The following TMEM132C variants were observed in gnomAD, a reference collection of about 807,000 sequenced individuals.
TMEM132C encodes the protein transmembrane protein 132C.
Under a neutral mutation model 61.4 loss-of-function variants are expected in TMEM132C, and 29 were observed. The observed-to-expected ratio is 0.47, with a 90% CI of 0.35 to 0.64. The LOEUF (loss-of-function observed/expected upper bound fraction) is 0.64, where lower values mean the gene tolerates loss of function less well. Among genes scored for constraint, TMEM132C ranks in the 30% least tolerant of loss-of-function variants. The pLI is 0.00. For synonymous variants in TMEM132C, 656 were observed against 633.1 expected, an observed-to-expected ratio of 1.04 and a Z score of -0.54; for missense variants, 1,408 against 1,476.9, an observed-to-expected ratio of 0.95 and a Z score of 0.76.
chr12:128,491,998 CA>C (rs1871748628), intron 2 of TMEM132C, among the ~76,000 whole-genome samples: 1 of 152,104 alleles, frequency 6.6e-6, no homozygotes, highest in African/African-American at 2.4e-5. Context: ...TTTCCCTCCC[CA>C]CTCCCTGCAC....
rs61611217 is a variant in TMEM132C at position 128,340,892 on chromosome 12, TTCTTTCTC to T, written c.85+73417_85+73424del. On this transcript the variant is annotated intron_variant, in intron 1 of 8. Coordinates refer to ENST00000435159, the MANE Select transcript of TMEM132C (RefSeq NM_001136103.3). ...TCCTTCCTTTCTTTTTTCTTTTTCT[TTCTTTCTC>T]TCTTTCTCTCTCTCTTTCTCTCTCT... 4.9e-5 allele frequency among the ~76,000 whole-genome samples: 7 copies of T among 142,576 alleles called. No homozygotes were observed. In the South Asian group the frequency reaches 1.1e-3, roughly 23 times the overall value. 93.5% of individuals were successfully genotyped at this position (142,576 alleles called of 152,430 possible).
chr12:128,478,130 C>G (rs1871210325), intron 2 of TMEM132C, among the ~76,000 whole-genome samples: 1 of 152,138 alleles, frequency 6.6e-6, no homozygotes, highest in Non-Finnish European at 1.5e-5. Flanking sequence ...ATAGGTGAAG[C>G]ATCTCTATTG....
intron 2 of TMEM132C, among the ~76,000 whole-genome samples, chr12:128,502,113 A>G (rs182891435): frequency 6.6e-5 from 10 of 152,378 alleles, no homozygotes; most frequent in Non-Finnish European, 1.0e-4. Context: ...AGTGGTTGCA[A>G]TGTGCAGCCA....
chr12:128,344,872 C>G (rs1225587032), intron 1 of TMEM132C, among the ~76,000 whole-genome samples: 1 of 151,344 alleles, frequency 6.6e-6, no homozygotes, highest in African/African-American at 2.4e-5. Flanking sequence ...ACAAACCATA[C>G]ACATGCAGGT....
Position 128,278,479 on chromosome 12 carries a change from C to T in TMEM132C, c.85+10992C>T, listed in dbSNP as rs998256998. Among the ~76,000 whole-genome samples, 8 of 152,154 alleles carry T rather than the reference C, an allele frequency of 5.3e-5. No individual in the cohort carries two copies. The highest frequency in any genetic ancestry group is 1.9e-4 in the African/African-American group (8 of 41,424). ...ACTGCCTTCTCCTGGTCAGTTGTCT[C>T]CCTGGCCATGTCCTGGCCCTTGACC... is the stretch of plus-strand genomic sequence containing the variant. On this transcript the variant is annotated intron_variant, in intron 1 of 8. Coordinates refer to ENST00000435159, the MANE Select transcript of TMEM132C (RefSeq NM_001136103.3). This position sits in a 1 kb window ranked among gnomAD's most constrained non-coding sequence, Gnocchi z 4.2.
chr12:128,418,910 T>G (rs1419577411), intron 2 of TMEM132C, among the ~76,000 whole-genome samples: 2 of 152,220 alleles, frequency 1.3e-5, no homozygotes, highest in African/African-American at 4.8e-5. Context: ...TTATTTTATT[T>G]TTTTTAAGGA....
At chr12:128,567,751 G>A (rs765461650) in intron 3 of TMEM132C, among the ~76,000 whole-genome samples, 18 of 152,146 alleles carry the variant, frequency 1.2e-4, no homozygotes, top group Non-Finnish European at 2.4e-4. Flanking sequence ...ACCTTTCCAA[G>A]CTCGAGTCCA....
chr12:128,335,570 C>T (rs533012689), intron 1 of TMEM132C, among the ~76,000 whole-genome samples: 1 of 152,202 alleles, frequency 6.6e-6, no homozygotes, highest in South Asian at 2.1e-4. Context: ...TGAATAACCT[C>T]TTTTGATTAT....
chr12:128,542,009 C>G lies in TMEM132C; in HGVS notation c.975-1948C>G, dbSNP rs560748509. Among the ~76,000 whole-genome samples, 14 of 152,298 alleles carry G rather than the reference C, an allele frequency of 9.2e-5. No homozygotes were observed. The South Asian group carries it at 2.7e-3, about 29-fold the overall frequency. ...ACCCAATGTGAAGTCCTGGCATCACCTGGGCATAAAAAGGGGAGTTTAATT... is the reference window on the plus strand; with the variant it reads ...ACCCAATGTGAAGTCCTGGCATCACGTGGGCATAAAAAGGGGAGTTTAATT... On this transcript the variant is annotated intron_variant, in intron 2 of 8. Transcript: ENST00000435159.
intron 3 of TMEM132C, among the ~76,000 whole-genome samples, chr12:128,558,647 G>A (rs1366383828): frequency 1.3e-5 from 2 of 152,234 alleles, no homozygotes; most frequent in Non-Finnish European, 2.9e-5. Flanking sequence ...ATACTGCCCT[G>A]CTGACTTTGA....
At position 128,604,447 on chromosome 12, in the gene TMEM132C, A is replaced by AATAGATG. The variant is rs1565988504; in HGVS notation, c.1122-11705_1122-11704insATAGATG. ...TAGATAGATAGATAGATAGATAGAT[A>AATAGATG]GATAATAGATGGATAGATAGATGAT... On this transcript the variant is annotated intron_variant, in intron 3 of 8. Transcript: ENST00000435159. 4.0e-5 allele frequency among the ~76,000 whole-genome samples: 6 copies of AATAGATG among 149,972 alleles called. No individual in the cohort carries two copies. In the East Asian group the frequency reaches 1.2e-3, roughly 30 times the overall value.
intron 2 of TMEM132C, among the ~76,000 whole-genome samples, chr12:128,541,531 A>G (rs1873752354): frequency 6.6e-6 from 1 of 152,160 alleles, no homozygotes; most frequent in Non-Finnish European, 1.5e-5. Context: ...CTTAGTGCAC[A>G]AGAAGACATC....
chr12:128,534,873 G>A (rs994482326), intron 2 of TMEM132C, among the ~76,000 whole-genome samples: 5 of 152,178 alleles, frequency 3.3e-5, no homozygotes, highest in Non-Finnish European at 5.9e-5. Context: ...TGCACCAGTT[G>A]GTGAGAATCC....
intron 1 of TMEM132C, among the ~76,000 whole-genome samples, chr12:128,317,635 A>G (rs1165376446): frequency 6.6e-6 from 1 of 152,244 alleles, no homozygotes; most frequent in Non-Finnish European, 1.5e-5. Flanking sequence ...CTGTAATCCC[A>G]GCACTTTGGG....
At chr12:128,684,124 T>C (rs1405801598) in intron 5 of TMEM132C, among the ~76,000 whole-genome samples, 2 of 152,196 alleles carry the variant, frequency 1.3e-5, no homozygotes, top group Non-Finnish European at 2.9e-5. Flanking sequence ...TTTTCTTATT[T>C]TATTTTTATT....
intron 1 of TMEM132C, among the ~76,000 whole-genome samples, chr12:128,382,840 C>G (rs535452458): frequency 3.9e-5 from 6 of 152,094 alleles, no homozygotes; most frequent in Non-Finnish European, 8.8e-5. Context: ...GTATGTATAT[C>G]TGAGTATGTA....
At chr12:128,330,350 C>T (rs142910232) in intron 1 of TMEM132C, among the ~76,000 whole-genome samples, 2 of 152,096 alleles carry the variant, frequency 1.3e-5, no homozygotes, top group African/African-American at 4.8e-5. Context: ...TGTGTGATCC[C>T]CATAACCAAC....
rs370773122 is a variant in TMEM132C, at chr12:128,367,655, T to C, written c.86-47077T>C. The stretch of plus-strand genomic sequence containing the variant: ...GTCCAGTGCAGTAGCCAAGTGTACT[T>C]GTGAACCCTTGAAATGAGGCTAGTC... On this transcript the variant is annotated intron_variant, in intron 1 of 8. Transcript: ENST00000435159. 9.1e-4 allele frequency among the ~76,000 whole-genome samples: 138 copies of C among 152,194 alleles called. 1 individual carries two copies. The highest frequency in any genetic ancestry group is 3.2e-3 in the African/African-American group (132 of 41,524).
At chr12:128,669,377 A>T (rs1858811201) in intron 4 of TMEM132C, 40 bp from the exon 5 acceptor site, 1 of 1,548,490 alleles carries the variant, frequency 6.5e-7, no homozygotes, top group Non-Finnish European at 8.7e-7. Flanking sequence ...ACAGAATGGA[A>T]TATCTCCCTT....
Sources: gnomAD v4.1 joint callset for allele counts (sites outside exome capture counted in the v4.1 genomes callset) on GRCh38, gnomAD v4.1.1 for gene constraint, Gnocchi (gnomAD v3.1) non-coding constraint, MANE v1.5 for transcripts, NCBI Gene and HGNC (gene_info 2026-07-23, HGNC 2026-07-21) for gene names.